The following RACK1 variants were observed in gnomAD, a reference collection of about 807,000 sequenced individuals.
RACK1 encodes small ribosomal subunit protein RACK1.
In RACK1, 3 loss-of-function variants were observed where a neutral mutation model predicts 42.2. The observed-to-expected ratio is 0.07, with a 90% confidence interval of 0.03 to 0.18. The LOEUF is 0.18. RACK1 is among the 10% of genes least tolerant of loss of function. RACK1 has a pLI of 1.00. For synonymous variants in RACK1, 181 were observed against 154.8 expected, an observed-to-expected ratio of 1.17 and a Z score of -1.25; for missense variants, 146 against 403.2, an observed-to-expected ratio of 0.36 and a Z score of 5.46.
chr5:181,243,234 C>G, intron 1 of RACK1: 3 of 1,325,988 alleles, frequency 2.3e-6, no homozygotes, highest in South Asian at 2.4e-5. Flanking sequence ...GAACCAGGGG[C>G]AGAAAAAGTA....
At chr5:181,238,805 AAAAC>A (rs1759230087) in intron 5 of RACK1, 7 of 446,858 alleles carry the variant, frequency 1.6e-5, no homozygotes, top group Middle Eastern at 7.1e-4. Context: ...TCTCAAAAAA[AAAAC>A]AAAAAACAAA....
intron 4 of RACK1, 93 bp from the exon 5 acceptor site, chr5:181,239,270 GTAGC>G: frequency 2.3e-6 from 2 of 865,374 alleles, no homozygotes; most frequent in Non-Finnish European, 4.0e-6. Flanking sequence ...TCTGGATACG[GTAGC>G]CATTTCTCAT....
At chr5:181,242,536 CGTAGAG>C (rs778742075) in intron 1 of RACK1, 191 bp from the exon 2 acceptor site, 4 of 679,860 alleles carry the variant, frequency 5.9e-6, no homozygotes, top group South Asian at 4.6e-5. Context: ...TAAAAACGCA[CGTAGAG>C]GTAAACTGTA....
At chr5:181,237,133 T>A in intron 7 of RACK1, 91 bp from the exon 8 acceptor site, 1 of 1,575,292 alleles carries the variant, frequency 6.3e-7, no homozygotes, top group Non-Finnish European at 8.6e-7. Context: ...TTGAGATCCG[T>A]CCACCTTGCT....
chr5:181,237,812 A>C, intron 6 of RACK1, 93 bp from the exon 7 acceptor site: 3 of 800,462 alleles, frequency 3.7e-6, no homozygotes, highest in Non-Finnish European at 6.5e-6. Flanking sequence ...AAAAGGGATG[A>C]TTTTGCTCCC....
intron 1 of RACK1, chr5:181,243,325 G>C: frequency 7.3e-7 from 1 of 1,365,644 alleles, no homozygotes; most frequent in Non-Finnish European, 9.7e-7. Context: ...CTCAGAAACA[G>C]CCTCTGGATT....
chr5:181,237,819 TC>T, intron 6 of RACK1, 100 bp from the exon 7 acceptor site: 1 of 754,516 alleles, frequency 1.3e-6, no homozygotes, highest in Non-Finnish European at 2.3e-6. Flanking sequence ...ATGATTTTGC[TC>T]CCTGGGGTCC....
At chr5:181,243,612 CACACGCGGAATTCCCTACACG>C (rs918256211) in intron 1 of RACK1, 59 bp downstream of exon 1, 67 of 1,510,926 alleles carry the variant, frequency 4.4e-5, no homozygotes, top group African/African-American at 1.4e-4. Context: ...CCTGCCACAC[CACACGCGGAATTCCCTACACG>C]ACACGCGGAA....
intron 1 of RACK1, chr5:181,242,639 ACT>A: frequency 2.2e-6 from 1 of 447,424 alleles, no homozygotes; most frequent in South Asian, 1.7e-5. Flanking sequence ...CTCACTCCAA[ACT>A]CCACCTCCCG....
In RACK1 at chr5:181,237,738, G is replaced by A. The variant is rs372982968; in HGVS notation, c.778-19C>T. On this transcript the variant is annotated intron_variant, in intron 6 of 7. Coordinates refer to ENST00000512805, the MANE Select transcript of RACK1 (RefSeq NM_006098.5). ...CTAAATCCTGGGGAACAGGGCAAAA[G>A]CAACCTTAAGACTTACCAATCAAGA... is the stretch of plus-strand genomic sequence containing the variant. 4.4e-5 allele frequency: 56 copies of A among 1,271,918 alleles called. 1 individual carries two copies. The highest frequency in any genetic ancestry group is 3.4e-5 in the Admixed American group (2 of 58,746). 78.8% of individuals were successfully genotyped at this position (1,271,918 alleles called of 1,614,324 possible). A position where few individuals can be genotyped will look rare whatever the true frequency, so the allele number is the denominator to read the frequency against.
At chr5:181,241,959 G>C in intron 2 of RACK1, 1 of 770,788 alleles carries the variant, frequency 1.3e-6, no homozygotes, top group Non-Finnish European at 2.4e-6. Context: ...TGCCCACTCA[G>C]AACTTTTGCA....
At chr5:181,239,900 C>A (rs894431941) in intron 3 of RACK1, among the ~76,000 whole-genome samples, 1 of 151,674 alleles carries the variant, frequency 6.6e-6, no homozygotes, top group Non-Finnish European at 1.5e-5. Flanking sequence ...CAAAAATTAA[C>A]CAGGTGTGGC....
intron 7 of RACK1, 136 bp downstream of exon 7, chr5:181,237,473 C>T (rs1759184130): frequency 1.5e-6 from 1 of 678,568 alleles, no homozygotes; most frequent in Non-Finnish European, 2.7e-6. Flanking sequence ...ACGAGGGCAT[C>T]CTCATCAACC....
chr5:181,240,823 A>G (rs974547369), intron 3 of RACK1: 1 of 152,282 alleles, frequency 6.6e-6, no homozygotes, highest in Non-Finnish European at 1.5e-5. Context: ...CCCAGCCCAG[A>G]CAAGACTTTA....
intron 3 of RACK1, chr5:181,241,269 AAC>A (rs1455094464): frequency 6.2e-6 from 3 of 486,220 alleles, no homozygotes; most frequent in Non-Finnish European, 3.7e-6. Context: ...TCTCTACTAA[AAC>A]ACAAAAAATT....
intron 1 of RACK1, 73 bp downstream of exon 1, chr5:181,243,619 G>A (rs1759441647): frequency 8.6e-6 from 13 of 1,515,832 alleles, no homozygotes; most frequent in Middle Eastern, 1.7e-4. Flanking sequence ...CACCACACGC[G>A]GAATTCCCTA....
chr5:181,241,351 G>GC (rs1430067213), intron 3 of RACK1, 141 bp downstream of exon 3: 4 of 703,084 alleles, frequency 5.7e-6, no homozygotes, highest in Non-Finnish European at 9.6e-6. Context: ...AATCCCTTGA[G>GC]CCCGGGAGGC....
rs747756072 is a variant in RACK1, at chr5:181,242,562, C to CT, written c.110-218dup. The CT allele has an allele frequency of 8.9e-3, 5,127 of 574,896 alleles. 1 individual carries two copies. Among genetic ancestry groups the CT allele is most frequent in the East Asian group, 0.014 (399 of 28,336 alleles). The allele number at this position is 574,896 out of a possible 1,614,324, so 35.6% of individuals were successfully genotyped here. On this transcript the variant is annotated intron_variant, in intron 1 of 7. Coordinates refer to ENST00000512805, the MANE Select transcript of RACK1 (RefSeq NM_006098.5). ...GTAGAGGTAAACTGTACCCTGATAA[C>CT]TTTTTTTTTTCTTGAGATGGAGTCT...
rs147214349 is a variant in RACK1, at chr5:181,239,720, A to G, written c.430-138T>C. On this transcript the variant is annotated intron_variant, in intron 3 of 7. Transcript: ENST00000512805. ...GAACCCAAACCTTTAAGCTCAATAG[A>G]ATCCCTTTAGATTCCAGACAAGAAA... 7.3e-5 allele frequency: 43 copies of G among 590,336 alleles called. No homozygotes were observed. In the African/African-American group the frequency reaches 7.4e-4, roughly 10 times the overall value. 36.6% of individuals were successfully genotyped at this position (590,336 alleles called of 1,614,324 possible).
Sources: allele counts gnomAD v4.1 joint callset (sites outside exome capture counted in the v4.1 genomes callset), GRCh38; gene constraint gnomAD v4.1.1; transcripts MANE v1.5; gene names NCBI Gene and HGNC (gene_info 2026-07-23, HGNC 2026-07-21).